Variants in ADAMTSL1 observed in about 807,000 individuals in gnomAD.
ADAMTSL1 encodes the protein ADAMTS like 1, also known as ADAMTS-like protein 1.
ADAMTSL1 carries 126 observed loss-of-function variants against 201.8 expected under a neutral mutation model. That is an observed-to-expected ratio of 0.62 (90% CI 0.54 to 0.72). The LOEUF is 0.72. Ranked by LOEUF, ADAMTSL1 falls within the 30% of genes least tolerant of loss-of-function variation. ADAMTSL1 has a pLI of 0.00. For synonymous variants in ADAMTSL1, 1,121 were observed against 903.4 expected (o/e 1.24, Z -4.32); for missense variants, 2,679 against 2,277.8 (o/e 1.18, Z -3.59).
intron 4 of ADAMTSL1, among the ~76,000 whole-genome samples, chr9:18,579,582 A>G (rs2132401977): frequency 6.6e-6 from 1 of 152,352 alleles, no homozygotes; most frequent in Non-Finnish European, 1.5e-5. Context: ...GTTATGTCTT[A>G]TCTTTTTCTT....
At chr9:18,722,174 T>C (rs959777319) in intron 15 of ADAMTSL1, among the ~76,000 whole-genome samples, 11 of 152,178 alleles carry the variant, frequency 7.2e-5, no homozygotes, top group African/African-American at 2.4e-4. Flanking sequence ...TAAAATCAAT[T>C]AGAGCATTTC....
At chr9:18,354,342 C>A (rs754626093) in intron 2 of ADAMTSL1, among the ~76,000 whole-genome samples, 11 of 151,852 alleles carry the variant, frequency 7.2e-5, no homozygotes, top group Non-Finnish European at 1.3e-4. Flanking sequence ...GGTTGTTTTT[C>A]ATGTATTTGA....
chr9:17,985,645 G>A (rs1173499389), intron 1 of ADAMTSL1, among the ~76,000 whole-genome samples: 2 of 152,174 alleles, frequency 1.3e-5, no homozygotes, highest in South Asian at 4.2e-4. Flanking sequence ...CTCTGAATGA[G>A]CAACTTTGCA....
intron 2 of ADAMTSL1, among the ~76,000 whole-genome samples, chr9:18,517,080 G>C (rs1279928762): frequency 6.6e-6 from 1 of 152,196 alleles, no homozygotes; most frequent in Non-Finnish European, 1.5e-5. Flanking sequence ...AGATGGAAAA[G>C]TTGGACTTGA....
chr9:18,096,650 T>C (rs1824265626), intron 1 of ADAMTSL1, among the ~76,000 whole-genome samples: 1 of 152,248 alleles, frequency 6.6e-6, no homozygotes, highest in Non-Finnish European at 1.5e-5. Flanking sequence ...TTCTGAAGTA[T>C]ACTTTATTTA....
chr9:17,919,344 C>A (rs995039846), intron 1 of ADAMTSL1, among the ~76,000 whole-genome samples: 4 of 151,614 alleles, frequency 2.6e-5, no homozygotes, highest in African/African-American at 9.7e-5. Flanking sequence ...ATTGAGGAAT[C>A]CAGACTCCAT....
intron 16 of ADAMTSL1, among the ~76,000 whole-genome samples, chr9:18,765,580 T>C (rs1296005796): frequency 6.6e-6 from 1 of 152,130 alleles, no homozygotes; most frequent in African/African-American, 2.4e-5. Context: ...CCTGACCACT[T>C]CCTTACTGGG....
intron 1 of ADAMTSL1, among the ~76,000 whole-genome samples, chr9:17,986,592 A>G (rs895507979): frequency 2.0e-5 from 3 of 152,108 alleles, no homozygotes; most frequent in African/African-American, 4.8e-5. Flanking sequence ...TTAAGATTAT[A>G]TTGAATTTTA....
At chr9:18,296,339 T>A (rs1378838651) in intron 2 of ADAMTSL1, among the ~76,000 whole-genome samples, 2 of 152,232 alleles carry the variant, frequency 1.3e-5, no homozygotes, top group South Asian at 2.1e-4. Flanking sequence ...AATAAAAAAA[T>A]TTGGATAACA....
At chr9:18,789,959 C>G (rs1387053320) in intron 19 of ADAMTSL1, among the ~76,000 whole-genome samples, 1 of 152,140 alleles carries the variant, frequency 6.6e-6, no homozygotes, top group Non-Finnish European at 1.5e-5. Context: ...GGAAAGCGTA[C>G]CAGTCAGAAT....
intron 1 of ADAMTSL1, among the ~76,000 whole-genome samples, chr9:18,029,183 GA>G (rs1200695217): frequency 6.6e-6 from 1 of 152,096 alleles, no homozygotes; most frequent in Non-Finnish European, 1.5e-5. Context: ...GGGTTTTCTA[GA>G]TATACAATCA....
At chr9:18,353,349 G>A (rs1437289773) in intron 2 of ADAMTSL1, among the ~76,000 whole-genome samples, 1 of 152,124 alleles carries the variant, frequency 6.6e-6, no homozygotes, top group African/African-American at 2.4e-5. Flanking sequence ...CTTAAACCTG[G>A]ACTCAAGTGT....
At chr9:18,805,805 G>A (rs1398801369) in intron 20 of ADAMTSL1, among the ~76,000 whole-genome samples, 1 of 152,136 alleles carries the variant, frequency 6.6e-6, no homozygotes, top group Non-Finnish European at 1.5e-5. Context: ...CATTAGATTT[G>A]GCTTCAGGAT....
chr9:18,624,309 T>C (rs1055841278), intron 5 of ADAMTSL1, among the ~76,000 whole-genome samples: 3 of 152,288 alleles, frequency 2.0e-5, no homozygotes, highest in Middle Eastern at 3.4e-3. Flanking sequence ...TTCCATAAGA[T>C]GAAAAATTTC....
intron 19 of ADAMTSL1, among the ~76,000 whole-genome samples, chr9:18,785,203 G>A (rs2133797615): frequency 6.6e-6 from 1 of 151,928 alleles, no homozygotes; most frequent in East Asian, 1.9e-4. Context: ...TTGAATCCAA[G>A]GCAGTCTGGC....
chr9:18,344,859 G>T (rs905256313), intron 2 of ADAMTSL1, among the ~76,000 whole-genome samples: 17 of 152,106 alleles, frequency 1.1e-4, no homozygotes, highest in African/African-American at 2.4e-5. Context: ...GAACCCATGG[G>T]GTTCTGAAGG....
chr9:18,727,190 T>G (rs1817944489), intron 15 of ADAMTSL1, among the ~76,000 whole-genome samples: 1 of 152,268 alleles, frequency 6.6e-6, no homozygotes, highest in Admixed American at 6.5e-5. Context: ...TTTAATTTAT[T>G]TGATGGAGCT....
At position 18,398,386 on chromosome 9, in the gene ADAMTSL1, C is replaced by A. The variant is rs192881787; in HGVS notation, c.208-106443C>A. Among the ~76,000 whole-genome samples the A allele has an allele frequency of 1.8e-3, 278 of 152,232 alleles. 2 individuals are homozygous for A. The highest frequency in any genetic ancestry group is 6.2e-3 in the African/African-American group (259 of 41,554). ...TGTGTTCATCAGATACAGCTATATG[C>A]AAATTTTCTTCTACTTTAGTCTAGA... is the stretch of plus-strand genomic sequence containing the variant. On this transcript the variant is annotated intron_variant, in intron 2 of 29. Coordinates refer to the ADAMTSL1 transcript ENST00000680146.
At chr9:18,030,290 C>G (rs968528938) in intron 1 of ADAMTSL1, among the ~76,000 whole-genome samples, 2 of 151,898 alleles carry the variant, frequency 1.3e-5, no homozygotes, top group African/African-American at 4.8e-5. Flanking sequence ...AGCAAACTAT[C>G]GCAAGGACAA....
Sources: gnomAD v4.1 joint callset for allele counts (sites outside exome capture counted in the v4.1 genomes callset) on GRCh38, gnomAD v4.1.1 for gene constraint, MANE v1.5 for transcripts, NCBI Gene and HGNC (gene_info 2026-07-23, HGNC 2026-07-21) for gene names.